The following HSPA4 variants were observed in gnomAD, a reference collection of about 807,000 sequenced individuals.
HSPA4 encodes the protein heat shock protein family A (Hsp70) member 4.
A neutral mutation model predicts 106.2 loss-of-function variants in HSPA4; 25 were observed. The observed-to-expected ratio is 0.24, with a 90% CI of 0.17 to 0.33. HSPA4 has a LOEUF of 0.33. HSPA4 is among the 10% of genes least tolerant of loss of function. HSPA4 has a pLI of 1.00. For missense variants in HSPA4, 841 were observed against 996.0 expected, an observed-to-expected ratio of 0.84 and a Z score of 2.10; for synonymous variants, 332 against 333.6, an observed-to-expected ratio of 1.00 and a Z score of 0.05.
At chr5:133,084,702 T>G (rs111583408) in intron 7 of HSPA4, among the ~76,000 whole-genome samples, 4 of 152,138 alleles carry the variant, frequency 2.6e-5, no homozygotes, top group Admixed American at 2.6e-4. Flanking sequence ...ACTCCCGACT[T>G]GAGGTGATCC....
Position 133,080,916 on chromosome 5 carries a change from A to G in HSPA4, c.908+4018A>G, listed in dbSNP as rs535748759. On this transcript the variant is annotated intron_variant, in intron 7 of 18. Transcript: ENST00000304858. Reference sequence around the variant, plus strand: ...AAAGTGTACAATTCCAGGGTTGTGCAACTGTGACCACTATTTAATTCTAGA... The same window carrying G: ...AAAGTGTACAATTCCAGGGTTGTGCGACTGTGACCACTATTTAATTCTAGA... Among the ~76,000 whole-genome samples the G allele has an allele frequency of 4.6e-5, 7 of 152,332 alleles. No homozygotes were observed. In the South Asian group the frequency reaches 1.2e-3, roughly 27 times the overall value.
chr5:133,074,436 G>A (rs1296380434), intron 6 of HSPA4, among the ~76,000 whole-genome samples: 7 of 152,102 alleles, frequency 4.6e-5, no homozygotes, highest in African/African-American at 1.2e-4. Flanking sequence ...GTGCCACCAC[G>A]CCCGGCTAAT....
At chr5:133,081,435 A>AT (rs1387016403) in intron 7 of HSPA4, among the ~76,000 whole-genome samples, 2 of 151,872 alleles carry the variant, frequency 1.3e-5, no homozygotes, top group East Asian at 3.9e-4. Context: ...CTTAGTTTGG[A>AT]TTTTTTAATC....
At chr5:133,097,367 A>G (rs944186833) in intron 15 of HSPA4, 81 bp downstream of exon 15, 3 of 1,248,826 alleles carry the variant, frequency 2.4e-6, no homozygotes, top group Admixed American at 1.9e-5. Flanking sequence ...GTGTGCAGCT[A>G]TATGTGTATA....
intron 1 of HSPA4, among the ~76,000 whole-genome samples, chr5:133,055,883 G>T (rs573803055): frequency 1.3e-5 from 2 of 152,078 alleles, no homozygotes; most frequent in Non-Finnish European, 2.9e-5. Flanking sequence ...TTCGCAACCA[G>T]CCTGGCCAAC....
At chr5:133,104,210 G>C in intron 18 of HSPA4, 23 bp from the exon 19 acceptor site, 1 of 1,607,276 alleles carries the variant, frequency 6.2e-7, no homozygotes. Context: ...TAAGAAACCA[G>C]TTTTCTGTCT....
chr5:133,086,630 T>A (rs879074071), intron 7 of HSPA4, 152 bp from the exon 8 acceptor site: 1 of 599,182 alleles, frequency 1.7e-6, no homozygotes, highest in South Asian at 2.1e-5. Flanking sequence ...CCATTTTCAT[T>A]TTCTATTACC....
chr5:133,052,708 A>G (rs1265809992), intron 1 of HSPA4: 1 of 233,844 alleles, frequency 4.3e-6, no homozygotes. Context: ...GACCAGGCCC[A>G]GGTCGTACTG....
intron 8 of HSPA4, 113 bp downstream of exon 8, chr5:133,086,971 C>T (rs897617355): frequency 3.3e-5 from 25 of 763,518 alleles, no homozygotes; most frequent in Non-Finnish European, 5.5e-5. Context: ...TGAACTAATT[C>T]AGTGGTATAT....
rs139675278 is a variant in HSPA4 at position 133,075,799 on chromosome 5, C to T, written c.664-855C>T. Among the ~76,000 whole-genome samples the T allele has an allele frequency of 5.5e-3, 837 of 151,716 alleles. 6 individuals carry two copies. The highest frequency in any genetic ancestry group is 0.019 in the African/African-American group (804 of 41,362). ...GAGCTGAGATTGTGCCACTGCACTC[C>T]AGCCTGGGCAACAGAGTGAGACCCT... is the stretch of plus-strand genomic sequence containing the variant. On this transcript the variant is annotated intron_variant, in intron 6 of 18. Coordinates refer to ENST00000304858, the MANE Select transcript of HSPA4 (RefSeq NM_002154.4).
chr5:133,074,164 T>C (rs758836948), intron 6 of HSPA4, 38 bp downstream of exon 6: 22 of 1,378,652 alleles, frequency 1.6e-5, no homozygotes, highest in Admixed American at 4.6e-5. Flanking sequence ...CTGTTAGTAG[T>C]ATGGTAATTA....
chr5:133,082,207 C>G (rs572593367), intron 7 of HSPA4, among the ~76,000 whole-genome samples: 1 of 152,108 alleles, frequency 6.6e-6, no homozygotes, highest in Non-Finnish European at 1.5e-5. Flanking sequence ...ATATGAAATG[C>G]CCCGAATTGG....
chr5:133,055,060 G>T (rs6874265), intron 1 of HSPA4, among the ~76,000 whole-genome samples: 54,839 of 152,014 alleles, frequency 0.36, 11,828 homozygotes, highest in African/African-American at 0.61. Context: ...CTGAGTTGTT[G>T]CAGATAAAAA....
intron 7 of HSPA4, among the ~76,000 whole-genome samples, chr5:133,084,449 C>G (rs1765553226): frequency 6.6e-6 from 1 of 152,090 alleles, no homozygotes; most frequent in Non-Finnish European, 1.5e-5. Flanking sequence ...TTTGCATGCT[C>G]TGGTGGGTGC....
intron 1 of HSPA4, among the ~76,000 whole-genome samples, chr5:133,061,794 G>GT (rs1161123968): frequency 1.3e-5 from 2 of 151,918 alleles, no homozygotes; most frequent in Non-Finnish European, 2.9e-5. Context: ...TAATTTTTTT[G>GT]TTTTTTGTTT....
At chr5:133,074,246 T>G (rs1765420368) in intron 6 of HSPA4, 120 bp downstream of exon 6, 2 of 535,296 alleles carry the variant, frequency 3.7e-6, no homozygotes, top group Non-Finnish European at 6.3e-6. Flanking sequence ...TACAGGGTTA[T>G]TCAGAGGATT....
At chr5:133,095,980 G>C (rs1765706299) in intron 13 of HSPA4, 118 bp from the exon 14 acceptor site, 3 of 728,752 alleles carry the variant, frequency 4.1e-6, no homozygotes, top group Non-Finnish European at 6.5e-6. Context: ...AAGTTACTTA[G>C]ATCATCATCA....
At chr5:133,093,404 C>T (rs1488264884) in intron 13 of HSPA4, among the ~76,000 whole-genome samples, 1 of 152,156 alleles carries the variant, frequency 6.6e-6, no homozygotes, top group Non-Finnish European at 1.5e-5. Context: ...CTAAGTCTTT[C>T]TACCCATAAT....
rs1765833647 is a variant in HSPA4, at chr5:133,104,684, T to A, written c.*248T>A. On this transcript the variant is annotated 3_prime_UTR_variant, in exon 19 of 19. Transcript: ENST00000304858. ...AGCCCAGTTAGTCTTACTGAGCTTA[T>A]GCTTCACTCCTTTATGTTTAACCAT... 1 of 456,636 alleles carries A rather than the reference T, an allele frequency of 2.2e-6. No homozygotes were observed. Among genetic ancestry groups the A allele is most frequent in the Non-Finnish European group, 4.0e-6 (1 of 252,934 alleles). 28.3% of individuals were successfully genotyped at this position (456,636 alleles called of 1,614,324 possible).
Sources: allele counts gnomAD v4.1 joint callset (sites outside exome capture counted in the v4.1 genomes callset), GRCh38; gene constraint gnomAD v4.1.1; transcripts MANE v1.5; gene names NCBI Gene and HGNC (gene_info 2026-07-23, HGNC 2026-07-21).